The following NEBL variants were observed in gnomAD, a reference collection of about 807,000 sequenced individuals.
NEBL encodes the protein LIM and SH3 protein 2.
A neutral mutation model predicts 140.2 loss-of-function variants in NEBL; 122 were observed. The ratio of observed to expected loss-of-function variants is 0.87; its 90% CI spans 0.75 to 1.01. The LOEUF (loss-of-function observed/expected upper bound fraction) is 1.01. Ranked by LOEUF, NEBL falls within the 50% of genes least tolerant of loss-of-function variation. The pLI, the probability that NEBL is intolerant of heterozygous loss-of-function variation, is 0.00. For missense variants in NEBL, 1,365 were observed against 1,231.3 expected (o/e 1.11, Z -1.62); for synonymous variants, 436 against 398.9 (o/e 1.09, Z -1.11).
At chr10:21,019,398 C>T (rs74416827) in intron 3 of NEBL, among the ~76,000 whole-genome samples, 3 of 152,328 alleles carry the variant, frequency 2.0e-5, no homozygotes, top group Non-Finnish European at 2.9e-5. Flanking sequence ...TCCCCTCTTC[C>T]GTCCTTACTT....
chr10:20,964,787 G>A (rs1836220094), intron 3 of NEBL, among the ~76,000 whole-genome samples: 1 of 152,124 alleles, frequency 6.6e-6, no homozygotes, highest in African/African-American at 2.4e-5. Flanking sequence ...CAACACAGAG[G>A]CAAGCAAAAG....
intron 1 of NEBL, among the ~76,000 whole-genome samples, chr10:21,260,101 T>C (rs1842719647): frequency 6.6e-6 from 1 of 152,194 alleles, no homozygotes; most frequent in African/African-American, 2.4e-5. Flanking sequence ...TCAATACGTT[T>C]CCAGATTGCT....
In NEBL at chr10:20,835,546, C is replaced by A. The variant is rs1464910693; in HGVS notation, c.1416G>T (p.Gln472His). Reference protein sequence around the residue: ...MQAGTDTLEMQHAKKAAEIAS... With the variant: ...MQAGTDTLEMHHAKKAAEIAS... ...CTATCTCTGCAGCCTTCTTGGCATG[C>A]TGCATTTCAAGGGTGTCAGTGCCAG... Residue 472 changes from glutamine (Q) to histidine (H), a missense_variant, in exon 14 of 28, where the codon CAG (glutamine) becomes CAT (histidine). By Grantham distance (24) the Gln-to-His change is conservative (BLOSUM62 0). Transcript: ENST00000377122. The A allele has an allele frequency of 1.9e-6, 3 of 1,612,470 alleles. No individual in the cohort carries two copies. The highest frequency in any genetic ancestry group is 1.3e-5 in the African/African-American group (1 of 74,902).
chr10:21,120,422 A>ATATATACATATATATT (rs1191813457), intron 2 of NEBL, among the ~76,000 whole-genome samples: 1 of 87,184 alleles, frequency 1.1e-5, no homozygotes, highest in African/African-American at 7.8e-5. Flanking sequence ...ATATATATAT[A>ATATATACATATATATT]TAAATTTGAT....
At position 20,831,504 on chromosome 10, in the gene NEBL, C is replaced by A. The variant is rs769825383; in HGVS notation, c.1529G>T (p.Arg510Ile). The change falls in exon 15 of 28, where the codon AGA becomes ATA. Residue 510 changes from arginine (R) to isoleucine (I), a missense_variant. This residue lies in a region of NEBL where 1,323 missense variants were observed against 1,154.8 expected (regional missense o/e 1.15). Transcript: ENST00000377122. Reference sequence around the variant, plus strand: ...GGCCATCTCGGATGCTTTCTTAGCTCTCTGGACATCAAGAGTGTCTGTGCT... The same window carrying A: ...GGCCATCTCGGATGCTTTCTTAGCTATCTGGACATCAAGAGTGTCTGTGCT... The part of the protein sequence containing the change: ...QVSTDTLDVQ[R>I]AKKASEMASQ... The A allele has an allele frequency of 1.2e-6, 2 of 1,611,818 alleles. No homozygotes were observed. Among genetic ancestry groups the A allele is most frequent in the East Asian group, 2.2e-5 (1 of 44,820 alleles).
At chr10:20,998,739 T>C (rs1837766949) in intron 3 of NEBL, among the ~76,000 whole-genome samples, 1 of 152,218 alleles carries the variant, frequency 6.6e-6, no homozygotes. Flanking sequence ...TGGCATTGCT[T>C]TGAACACTCT....
intron 5 of NEBL, among the ~76,000 whole-genome samples, chr10:20,875,365 TCC>T (rs1178681854): frequency 1.3e-5 from 2 of 152,084 alleles, no homozygotes; most frequent in Non-Finnish European, 2.9e-5. Flanking sequence ...ACATCAACAC[TCC>T]CTTTTAAGAC....
intron 2 of NEBL, among the ~76,000 whole-genome samples, chr10:21,106,949 T>C (rs1164394565): frequency 2.0e-5 from 3 of 152,232 alleles, no homozygotes; most frequent in African/African-American, 7.2e-5. Flanking sequence ...TTTGTAGTAA[T>C]TGTGAATGGG....
Position 20,952,920 on chromosome 10 carries a change from A to AAG in NEBL, c.357+8751_357+8752insCT, listed in dbSNP as rs1554811805. 7.3e-3 allele frequency among the ~76,000 whole-genome samples: 1,095 copies of AAG among 149,780 alleles called. 1 individual carries two copies. The highest frequency in any genetic ancestry group is 0.014 in the Non-Finnish European group (907 of 67,132). ...ACCCTGTCTCAAAAAAAAAAAAAAA[A>AAG]AAAAAGAAAAAGAAAAAAGAAAAGA... On this transcript the variant is annotated intron_variant, in intron 4 of 6. Coordinates refer to the NEBL transcript ENST00000417816.
chr10:20,940,026 C>T lies in NEBL; in HGVS notation c.357+21646G>A, dbSNP rs367638229. Reference sequence around the variant, plus strand: ...CCACTGTCAATATTAGACAGATCAACGAGACAGAAAGTTAACAAGGATACC... The same window carrying T: ...CCACTGTCAATATTAGACAGATCAATGAGACAGAAAGTTAACAAGGATACC... On this transcript the variant is annotated intron_variant, in intron 4 of 6. Transcript: ENST00000417816. Among the ~76,000 whole-genome samples, 7 of 150,368 alleles carry T rather than the reference C, an allele frequency of 4.7e-5. No homozygotes were observed. The East Asian group carries it at 7.8e-4, about 17-fold the overall frequency.
chr10:21,130,596 C>T (rs1429296997), intron 2 of NEBL, among the ~76,000 whole-genome samples: 1 of 151,838 alleles, frequency 6.6e-6, no homozygotes, highest in African/African-American at 2.4e-5. Context: ...AAGGAAAATC[C>T]TGAAATATAT....
intron 3 of NEBL, among the ~76,000 whole-genome samples, chr10:20,964,388 G>A (rs1397770485): frequency 1.3e-5 from 2 of 152,186 alleles, no homozygotes; most frequent in East Asian, 3.8e-4. Flanking sequence ...TCTGTAAGCT[G>A]TACAGGAAGC....
At chr10:20,867,300 T>C (rs1235445055) in intron 7 of NEBL, among the ~76,000 whole-genome samples, 1 of 152,168 alleles carries the variant, frequency 6.6e-6, no homozygotes, top group Non-Finnish European at 1.5e-5. Context: ...AACAGAATAG[T>C]ACGTCTTTTC....
chr10:20,952,440 GAAAA>G (rs71390801), intron 4 of NEBL, among the ~76,000 whole-genome samples: 1 of 101,738 alleles, frequency 9.8e-6, no homozygotes, highest in Admixed American at 1.1e-4. Context: ...CTGTCTGAAG[GAAAA>G]AAAAAAAAAA....
At chr10:21,104,848 T>C (rs973686760) in intron 2 of NEBL, among the ~76,000 whole-genome samples, 1 of 152,210 alleles carries the variant, frequency 6.6e-6, no homozygotes, top group South Asian at 2.1e-4. Context: ...AAGTAAGACG[T>C]TAGCTTTACA....
chr10:20,957,198 T>C (rs921630447), intron 4 of NEBL, among the ~76,000 whole-genome samples: 1 of 152,164 alleles, frequency 6.6e-6, no homozygotes, highest in African/African-American at 2.4e-5. Context: ...AATCTAATAT[T>C]GTTGAAGCTA....
chr10:20,942,489 G>A (rs1320007177), intron 4 of NEBL, among the ~76,000 whole-genome samples: 1 of 152,190 alleles, frequency 6.6e-6, no homozygotes, highest in Non-Finnish European at 1.5e-5. Context: ...AAAAACCCTA[G>A]AAGAAAACCT....
exon 3 of NEBL, chr10:21,020,183 G>A (rs904043380): frequency 1.2e-6 from 2 of 1,613,936 alleles, no homozygotes; most frequent in African/African-American, 2.7e-5. Flanking sequence ...CCGTGGTGAA[G>A]GACTGCTTCG....
chr10:21,024,900 G>C (rs1453955166), intron 2 of NEBL, among the ~76,000 whole-genome samples: 1 of 152,180 alleles, frequency 6.6e-6, no homozygotes, highest in Non-Finnish European at 1.5e-5. Context: ...TTATAGAAGA[G>C]AGAAGTCAAG....
Sources: allele counts gnomAD v4.1 joint callset (sites outside exome capture counted in the v4.1 genomes callset), GRCh38; gene constraint gnomAD v4.1.1; regional missense constraint gnomAD v4.1.1; transcripts MANE v1.5; gene names NCBI Gene and HGNC (gene_info 2026-07-23, HGNC 2026-07-21).